The following KCNQ2 variants were observed in gnomAD, a reference collection of about 807,000 sequenced individuals.
KCNQ2 encodes potassium voltage-gated channel subfamily Q member 2.
KCNQ2 carries 14 observed loss-of-function variants against 84.8 expected under a neutral mutation model. The observed-to-expected ratio is 0.17, with a 90% CI of 0.11 to 0.26. The LOEUF is 0.26. KCNQ2 is among the 10% of genes least tolerant of loss of function. KCNQ2 has a pLI of 1.00. For synonymous variants in KCNQ2, 599 were observed against 554.1 expected, an observed-to-expected ratio of 1.08 and a Z score of -1.14; for missense variants, 788 against 1,254.0, an observed-to-expected ratio of 0.63 and a Z score of 5.61.
In KCNQ2 at chr20:63,404,107, G is replaced by A. The variant is rs2079865421; in HGVS notation, c.*2537C>T. The A allele has an allele frequency of 1.3e-5, 2 of 152,358 alleles. No homozygotes were observed. Among genetic ancestry groups the A allele is most frequent in the Admixed American group, 6.5e-5 (1 of 15,290 alleles). 9.4% of individuals were successfully genotyped at this position (152,358 alleles called of 1,614,324 possible). A position where few individuals can be genotyped will look rare whatever the true frequency, so the allele number is the denominator to read the frequency against. On this transcript the variant is annotated 3_prime_UTR_variant, in exon 17 of 17. Transcript: ENST00000359125. ...ACGTTCCTTGCTGGACATGAGTCTG[G>A]CCTCAGTCCCTCCTGCTGGGCGGCC...
At position 63,400,582 on chromosome 20, in the gene KCNQ2, G is replaced by A. The variant is rs1236558398; in HGVS notation, c.*6062C>T. On this transcript the variant is annotated 3_prime_UTR_variant, in exon 17 of 17. Coordinates refer to ENST00000359125, the MANE Select transcript of KCNQ2 (RefSeq NM_172107.4). The surrounding 1 kb of genome is among the most constrained non-coding windows in gnomAD (Gnocchi z 8.7). ...TCAGAAGTGTACGTCGGTACTGAAG[G>A]CATTATGAAATGTTCTTTGGAGCAT... is the stretch of plus-strand genomic sequence containing the variant. 1.0e-5 allele frequency: 4 copies of A among 398,484 alleles called. No individual in the cohort carries two copies. The highest frequency in any genetic ancestry group is 6.2e-4 in the Middle Eastern group (1 of 1,612). 24.7% of individuals were successfully genotyped at this position (398,484 alleles called of 1,614,324 possible).
At position 63,418,489 on chromosome 20, in the gene KCNQ2, G is replaced by A. The variant is rs143896228; in HGVS notation, c.1301+1130C>T. Among the ~76,000 whole-genome samples, 1,244 of 152,290 alleles carry A rather than the reference G, an allele frequency of 8.2e-3. 65 individuals carry two copies. The South Asian group carries it at 0.16, about 20-fold the overall frequency. On this transcript the variant is annotated intron_variant, in intron 12 of 16. Transcript: ENST00000359125. ...AAGCGTGAGGATGAAGGGGCCTCCCGTGGGGGCTGCTCGCAGCAGGACAGG... is the reference window on the plus strand; with the variant it reads ...AAGCGTGAGGATGAAGGGGCCTCCCATGGGGGCTGCTCGCAGCAGGACAGG...
chr20:63,432,135 T>TCAGGGAAGGCC (rs2080821765), intron 8 of KCNQ2, among the ~76,000 whole-genome samples: 1 of 55,492 alleles, frequency 1.8e-5, no homozygotes, highest in Non-Finnish European at 3.7e-5. Flanking sequence ...CAGGGAAGGA[T>TCAGGGAAGGCC]CCACCCACAG....
In KCNQ2 at chr20:63,408,621, C is replaced by G. The variant is rs2145498502; in HGVS notation, c.1764-85G>C. On this transcript the variant is annotated intron_variant, in intron 15 of 16. Coordinates refer to ENST00000359125, the MANE Select transcript of KCNQ2 (RefSeq NM_172107.4). This position sits in a 1 kb window ranked among gnomAD's most constrained non-coding sequence, Gnocchi z 5.0. ...TCTCCTCCTGGACCAGGCCACAGTGCCCCTGGGTCTAGGCTGCAGGCTCAG... is the reference window on the plus strand; with the variant it reads ...TCTCCTCCTGGACCAGGCCACAGTGGCCCTGGGTCTAGGCTGCAGGCTCAG... The G allele has an allele frequency of 6.4e-7, 1 of 1,560,728 alleles. No individual in the cohort carries two copies. Among genetic ancestry groups the G allele is most frequent in the Non-Finnish European group, 8.6e-7 (1 of 1,156,096 alleles).
chr20:63,410,691 C>T (rs969953892), intron 15 of KCNQ2, among the ~76,000 whole-genome samples: 11 of 152,198 alleles, frequency 7.2e-5, no homozygotes, highest in African/African-American at 1.9e-4. Context: ...ACGGGGCTGA[C>T]ATGTCCAGTG....
At chr20:63,419,238 G>C (rs1345915912) in intron 12 of KCNQ2, among the ~76,000 whole-genome samples, 2 of 151,344 alleles carry the variant, frequency 1.3e-5, no homozygotes, top group Non-Finnish European at 3.0e-5. Flanking sequence ...GGTCGAGGCA[G>C]CCAGGAAGGC....
rs1326517014 is a variant in KCNQ2 at position 63,402,762 on chromosome 20, G to C, written c.*3882C>G. On this transcript the variant is annotated 3_prime_UTR_variant, in exon 17 of 17. Coordinates refer to ENST00000359125, the MANE Select transcript of KCNQ2 (RefSeq NM_172107.4). Reference sequence around the variant, plus strand: ...CCTGGGGTGATTTCAGCCTCCAAGGGGGGGCTTGAGACGAGGCCCCCCAAA... The same window carrying C: ...CCTGGGGTGATTTCAGCCTCCAAGGCGGGGCTTGAGACGAGGCCCCCCAAA... 1 of 152,338 alleles carries C rather than the reference G, an allele frequency of 6.6e-6. No individual in the cohort carries two copies. The highest frequency in any genetic ancestry group is 1.5e-5 in the Non-Finnish European group (1 of 68,120). 9.4% of individuals were successfully genotyped at this position (152,338 alleles called of 1,614,324 possible). A position where few individuals can be genotyped will look rare whatever the true frequency, so the allele number is the denominator to read the frequency against.
chr20:63,437,156 T>G (rs2081033527), intron 7 of KCNQ2, among the ~76,000 whole-genome samples: 1 of 152,186 alleles, frequency 6.6e-6, no homozygotes, highest in Non-Finnish European at 1.5e-5. Context: ...TCTACCGTAG[T>G]GGTCTGGAAC....
chr20:63,467,161 G>T (rs1421594822), intron 1 of KCNQ2, among the ~76,000 whole-genome samples: 4 of 151,712 alleles, frequency 2.6e-5, no homozygotes, highest in Non-Finnish European at 5.9e-5. Context: ...ACCTTCGGAG[G>T]GCCCAGGGCA....
chr20:63,465,710 C>G (rs2082063220), intron 1 of KCNQ2, among the ~76,000 whole-genome samples: 1 of 152,230 alleles, frequency 6.6e-6, no homozygotes, highest in Non-Finnish European at 1.5e-5. Flanking sequence ...CCACCCTACC[C>G]AGGACGCGCT....
Position 63,406,707 on chromosome 20 carries a change from C to A in KCNQ2, c.2556G>T (p.Pro852=). 6.2e-7 allele frequency: 1 copy of A among 1,602,396 alleles called. No individual in the cohort carries two copies. The highest frequency in any genetic ancestry group is 2.3e-5 in the East Asian group (1 of 44,414). The change falls in exon 17 of 17, where the codon CCG becomes CCT. Residue 852 remains proline, a synonymous_variant. Transcript: ENST00000359125. ...DSDLCTPCGP[P]PRSATGEGPF... Reference sequence around the variant, plus strand: ...GACCCTCGCCGGTGGCCGAGCGTGGCGGGGGCCCGCACGGGGTACAGAGGT... The same window carrying A: ...GACCCTCGCCGGTGGCCGAGCGTGGAGGGGGCCCGCACGGGGTACAGAGGT...
chr20:63,439,923 G>A (rs540509828), intron 5 of KCNQ2: 2 of 625,504 alleles, frequency 3.2e-6, no homozygotes, highest in African/African-American at 3.6e-5. Context: ...CAGAAGCGGG[G>A]TCCAGCCAAA....
At chr20:63,445,647 C>A in intron 2 of KCNQ2, 1 of 421,434 alleles carries the variant, frequency 2.4e-6, no homozygotes, top group South Asian at 2.4e-5. Context: ...GGCTAGGGGA[C>A]CATGTCTGAG....
chr20:63,448,287 T>C (rs540764843), intron 1 of KCNQ2: 36 of 152,392 alleles, frequency 2.4e-4, no homozygotes, highest in African/African-American at 8.4e-4. Flanking sequence ...AGGTCCTTCG[T>C]CACAGCCATA....
Position 63,406,978 on chromosome 20 carries a change from C to T in KCNQ2, c.2285G>A (p.Ser762Asn). The T allele has an allele frequency of 6.5e-7, 1 of 1,535,666 alleles. No individual in the cohort carries two copies. Among genetic ancestry groups the T allele is most frequent in the African/African-American group, 1.4e-5 (1 of 73,236 alleles). ...LSAYGGGNRA[S>N]MEFLRQEDTP... ...GTCCTCCTGCCGCAGGAACTCCATGCTGGCGCGGTTGCCCCCGCCGTAGGC... is the reference window on the plus strand; with the variant it reads ...GTCCTCCTGCCGCAGGAACTCCATGTTGGCGCGGTTGCCCCCGCCGTAGGC... Residue 762 changes from serine (S) to asparagine (N), a missense_variant, in exon 17 of 17, where the codon AGC (serine) becomes AAC (asparagine). Around this residue, in one of 8 missense-constraint regions of KCNQ2, gnomAD observed 378 missense variants for 434.5 expected, o/e 0.87. Coordinates refer to ENST00000359125, the MANE Select transcript of KCNQ2 (RefSeq NM_172107.4).
intron 1 of KCNQ2, among the ~76,000 whole-genome samples, chr20:63,453,434 T>C (rs1016960500): frequency 2.0e-5 from 3 of 152,242 alleles, no homozygotes; most frequent in East Asian, 3.8e-4. Context: ...GTTCTTCAAT[T>C]AACTGAGCCC....
rs1354141986 is a variant in KCNQ2, at chr20:63,404,458, G to A, written c.*2186C>T. ...GCAGGCGGGGTCACACCTGCAGGGG[G>A]ACACACAGCACAGCCTCCCTCCACT... On this transcript the variant is annotated 3_prime_UTR_variant, in exon 17 of 17. Coordinates refer to ENST00000359125, the MANE Select transcript of KCNQ2 (RefSeq NM_172107.4). 6.6e-6 allele frequency: 1 copy of A among 152,542 alleles called. No homozygotes were observed. The highest frequency in any genetic ancestry group is 1.5e-5 in the Non-Finnish European group (1 of 68,340). The allele number at this position is 152,542 out of a possible 1,614,324, so 9.4% of individuals were successfully genotyped here.
At chr20:63,417,790 C>G (rs867988555) in intron 12 of KCNQ2, among the ~76,000 whole-genome samples, 1 of 152,222 alleles carries the variant, frequency 6.6e-6, no homozygotes, top group Non-Finnish European at 1.5e-5. Flanking sequence ...GGGGACCCCC[C>G]GCTGACCACG....
At chr20:63,427,147 G>A (rs1390533291) in intron 10 of KCNQ2, among the ~76,000 whole-genome samples, 7 of 152,222 alleles carry the variant, frequency 4.6e-5, no homozygotes, top group Non-Finnish European at 7.3e-5. Context: ...ACTTGTACCC[G>A]GGAAGTGGAG....
Sources: allele counts gnomAD v4.1 joint callset (sites outside exome capture counted in the v4.1 genomes callset), GRCh38; gene constraint gnomAD v4.1.1; regional missense constraint gnomAD v4.1.1; non-coding constraint Gnocchi (gnomAD v3.1); transcripts MANE v1.5; gene names NCBI Gene and HGNC (gene_info 2026-07-23, HGNC 2026-07-21).